THSD4: variants seen among roughly 807,000 people sequenced by gnomAD.
THSD4 encodes thrombospondin type-1 domain-containing protein 4.
Under a neutral mutation model 119.0 loss-of-function variants are expected in THSD4, and 69 were observed. The observed-to-expected ratio is 0.58, with a 90% confidence interval of 0.48 to 0.71. The LOEUF is 0.71. Ranked by LOEUF, THSD4 falls within the 30% of genes least tolerant of loss-of-function variation. The pLI is 0.00. For missense variants in THSD4, 1,393 were observed against 1,391.1 expected, an observed-to-expected ratio of 1.00 and a Z score of -0.02; for synonymous variants, 524 against 540.4, an observed-to-expected ratio of 0.97 and a Z score of 0.42.
chr15:71,495,972 A>G (rs1333471534), intron 7 of THSD4, among the ~76,000 whole-genome samples: 4 of 152,198 alleles, frequency 2.6e-5, no homozygotes, highest in African/African-American at 9.6e-5. Context: ...AGGGGCAGTC[A>G]CAGTTCATGC....
chr15:71,339,799 CTG>C (rs2045539911), intron 6 of THSD4, among the ~76,000 whole-genome samples: 1 of 151,992 alleles, frequency 6.6e-6, no homozygotes, highest in Admixed American at 6.5e-5. Flanking sequence ...GAGTCTTACT[CTG>C]TCACCCAGGC....
chr15:71,675,939 C>CCCT (rs1028105967), intron 8 of THSD4, among the ~76,000 whole-genome samples: 4 of 152,200 alleles, frequency 2.6e-5, no homozygotes, highest in African/African-American at 9.7e-5. Flanking sequence ...CCATCTTGCA[C>CCCT]CCTCCTCACT....
intron 6 of THSD4, among the ~76,000 whole-genome samples, chr15:71,408,198 G>T (rs1475978466): frequency 6.6e-6 from 1 of 151,888 alleles, no homozygotes; most frequent in Non-Finnish European, 1.5e-5. Flanking sequence ...GAATATCCAT[G>T]CAAAACCTTA....
chr15:71,456,785 G>A (rs1472256746), intron 7 of THSD4, among the ~76,000 whole-genome samples: 2 of 152,136 alleles, frequency 1.3e-5, no homozygotes, highest in Non-Finnish European at 2.9e-5. Context: ...TTTCATAGCA[G>A]CAGCCAAGAA....
chr15:71,114,045 A>T (rs1223300373), upstream of THSD4, among the ~76,000 whole-genome samples: 1 of 152,052 alleles, frequency 6.6e-6, no homozygotes, highest in Non-Finnish European at 1.5e-5. Context: ...TCCCATTTAC[A>T]CCAGGTGCCT....
chr15:71,326,864 C>T (rs912991687), intron 6 of THSD4, among the ~76,000 whole-genome samples: 10 of 148,506 alleles, frequency 6.7e-5, no homozygotes, highest in African/African-American at 2.5e-4. Context: ...CAGAGCGAGA[C>T]CCTGTCTCTA....
chr15:71,582,775 A>T (rs994582201), intron 7 of THSD4, among the ~76,000 whole-genome samples: 1 of 152,172 alleles, frequency 6.6e-6, no homozygotes, highest in African/African-American at 2.4e-5. Flanking sequence ...TTAATGTGGT[A>T]TATCACGTCT....
intron 7 of THSD4, among the ~76,000 whole-genome samples, chr15:71,530,658 CA>C (rs2048594494): frequency 6.6e-6 from 1 of 152,110 alleles, no homozygotes; most frequent in African/African-American, 2.4e-5. Context: ...ATCTGTCCTC[CA>C]AAATATCTCC....
intron 2 of THSD4, among the ~76,000 whole-genome samples, chr15:71,142,933 G>A (rs2040619266): frequency 1.3e-5 from 2 of 152,334 alleles, no homozygotes; most frequent in South Asian, 2.1e-4. Flanking sequence ...CAGGTGGTTG[G>A]CCAACCAGGG....
intron 10 of THSD4, among the ~76,000 whole-genome samples, chr15:71,737,134 A>G (rs1182777595): frequency 6.6e-6 from 1 of 152,274 alleles, no homozygotes; most frequent in Non-Finnish European, 1.5e-5. Context: ...GCTATTTCAA[A>G]TAATACCTCA....
chr15:71,211,830 C>T (rs754536514), intron 3 of THSD4, among the ~76,000 whole-genome samples: 12 of 152,162 alleles, frequency 7.9e-5, no homozygotes, highest in Admixed American at 2.0e-4. Flanking sequence ...CGGAGCAGCA[C>T]GCTGGCAGGT....
intron 3 of THSD4, among the ~76,000 whole-genome samples, chr15:71,195,221 T>A (rs7167865): frequency 0.28 from 42,856 of 152,032 alleles, 9,936 homozygotes; most frequent in African/African-American, 0.65. Flanking sequence ...CCTATATGGG[T>A]TGTTTTCCAT....
Position 71,779,113 on chromosome 15 carries a change from A to C in THSD4, c.*1739A>C, listed in dbSNP as rs538709271. ...GGCCTGACATGCTCTTTAGGCTTCCACTAACCTGGGGCTTTCAGAAATTCT... is the reference window on the plus strand; with the variant it reads ...GGCCTGACATGCTCTTTAGGCTTCCCCTAACCTGGGGCTTTCAGAAATTCT... On this transcript the variant is annotated 3_prime_UTR_variant, in exon 18 of 18. Coordinates refer to ENST00000261862, the MANE Select transcript of THSD4 (RefSeq NM_024817.3). The C allele has an allele frequency of 7.2e-5, 11 of 152,214 alleles. No individual in the cohort carries two copies. The highest frequency in any genetic ancestry group is 1.5e-4 in the Non-Finnish European group (10 of 68,040). 9.4% of individuals were successfully genotyped at this position (152,214 alleles called of 1,614,324 possible).
chr15:71,367,540 T>G (rs1260427862), intron 6 of THSD4, among the ~76,000 whole-genome samples: 1 of 152,254 alleles, frequency 6.6e-6, no homozygotes, highest in Admixed American at 6.5e-5. Flanking sequence ...AGTGTTTGGT[T>G]TTCTGTCCTT....
intron 1 of THSD4, among the ~76,000 whole-genome samples, chr15:71,134,859 A>G (rs1055367603): frequency 3.7e-4 from 57 of 152,088 alleles, no homozygotes; most frequent in Non-Finnish European, 5.3e-4. Flanking sequence ...CAGCCATCCC[A>G]TTACTGGGTA....
At chr15:71,638,056 A>T (rs1408523316) in intron 7 of THSD4, among the ~76,000 whole-genome samples, 1 of 152,114 alleles carries the variant, frequency 6.6e-6, no homozygotes, top group Non-Finnish European at 1.5e-5. Context: ...ACTGAACTAT[A>T]CCTTAAAAGG....
At position 71,528,005 on chromosome 15, in the gene THSD4, C is replaced by T. The variant is rs561666293; in HGVS notation, c.1152+116182C>T. ...TGCTGGGATTACAGTTGTGAGCCAC[C>T]GCACCAATCAATTTAAACTCTTCAT... On this transcript the variant is annotated intron_variant, in intron 7 of 17. Transcript: ENST00000261862. Among the ~76,000 whole-genome samples the T allele has an allele frequency of 5.4e-4, 82 of 152,112 alleles. No homozygotes were observed. In the South Asian group the frequency reaches 0.012, roughly 22 times the overall value.
At chr15:71,391,531 A>G (rs940109906) in intron 6 of THSD4, among the ~76,000 whole-genome samples, 1 of 152,148 alleles carries the variant, frequency 6.6e-6, no homozygotes, top group African/African-American at 2.4e-5. Context: ...TTTGCTACAT[A>G]TTTAAGGTGA....
intron 16 of THSD4, among the ~76,000 whole-genome samples, chr15:71,768,286 A>AACAAAAAAAAC (rs58384024): frequency 1.7e-4 from 25 of 151,484 alleles, no homozygotes; most frequent in Non-Finnish European, 3.4e-4. Flanking sequence ...CCAAAAAAAA[A>AACAAAAAAAAC]CCCTGCACCT....
Sources: gnomAD v4.1 joint callset for allele counts (sites outside exome capture counted in the v4.1 genomes callset) on GRCh38, gnomAD v4.1.1 for gene constraint, MANE v1.5 for transcripts, NCBI Gene and HGNC (gene_info 2026-07-23, HGNC 2026-07-21) for gene names.